The following DLG2 variants were observed in gnomAD, a reference collection of about 807,000 sequenced individuals.
DLG2 encodes the protein discs large MAGUK scaffold protein 2, also known as disks large homolog 2.
Under a neutral mutation model 132.5 loss-of-function variants are expected in DLG2, and 45 were observed. That is an observed-to-expected ratio of 0.34 (90% CI 0.27 to 0.44). The LOEUF (loss-of-function observed/expected upper bound fraction) is 0.44. DLG2 is among the 20% of genes least tolerant of loss of function. DLG2 has a pLI of 1.00. For missense variants in DLG2, 1,045 were observed against 1,196.9 expected (o/e 0.87, Z 1.87); for synonymous variants, 424 against 419.6 (o/e 1.01, Z -0.13).
chr11:84,785,343 A>G (rs1598093677), intron 6 of DLG2, among the ~76,000 whole-genome samples: 1 of 152,076 alleles, frequency 6.6e-6, no homozygotes, highest in Non-Finnish European at 1.5e-5. Flanking sequence ...TCTCCCATGA[A>G]TTGGAAGTTA....
At chr11:84,408,374 T>C (rs944798685) in intron 7 of DLG2, among the ~76,000 whole-genome samples, 1 of 151,908 alleles carries the variant, frequency 6.6e-6, no homozygotes, top group Admixed American at 6.6e-5. Context: ...CTTTAAGTTC[T>C]AGGGTACATG....
intron 6 of DLG2, chr11:84,720,368 ACAGT>A (rs1300522614): frequency 2.4e-5 from 24 of 985,360 alleles, no homozygotes; most frequent in Non-Finnish European, 2.8e-5. Flanking sequence ...TTGGTGTAAA[ACAGT>A]CAGGGTCCTT....
chr11:84,286,603 T>G (rs970618886), intron 7 of DLG2, among the ~76,000 whole-genome samples: 3 of 152,254 alleles, frequency 2.0e-5, no homozygotes, highest in Non-Finnish European at 4.4e-5. Flanking sequence ...ATGGTACTTT[T>G]AGCATGCTAA....
At chr11:85,227,496 G>A (rs1380155257) in intron 4 of DLG2, among the ~76,000 whole-genome samples, 1 of 151,968 alleles carries the variant, frequency 6.6e-6, no homozygotes, top group Admixed American at 6.6e-5. Context: ...AATACCTCAA[G>A]GGAACACTAA....
At chr11:83,852,688 T>C (rs935048485) in intron 16 of DLG2, among the ~76,000 whole-genome samples, 2 of 152,206 alleles carry the variant, frequency 1.3e-5, no homozygotes, top group African/African-American at 4.8e-5. Flanking sequence ...ACAGGTGTTG[T>C]CCTGTATAAA....
chr11:84,860,801 G>A (rs775877902), intron 6 of DLG2, among the ~76,000 whole-genome samples: 1 of 147,148 alleles, frequency 6.8e-6, no homozygotes, highest in Non-Finnish European at 1.5e-5. Flanking sequence ...AGTCAAGCAA[G>A]AAAAATGAAA....
intron 17 of DLG2, among the ~76,000 whole-genome samples, chr11:83,823,553 A>G (rs1164667397): frequency 6.6e-6 from 1 of 152,140 alleles, no homozygotes; most frequent in African/African-American, 2.4e-5. Flanking sequence ...AATCTTCAGG[A>G]CAGAAGGGAT....
At chr11:85,043,897 A>G (rs973082170) in intron 6 of DLG2, among the ~76,000 whole-genome samples, 2 of 151,864 alleles carry the variant, frequency 1.3e-5, no homozygotes, top group Non-Finnish European at 1.5e-5. Context: ...ACTGTCATAA[A>G]CCAATTTTAT....
intron 8 of DLG2, among the ~76,000 whole-genome samples, chr11:84,225,181 T>G (rs2096972854): frequency 6.6e-6 from 1 of 152,216 alleles, no homozygotes; most frequent in Admixed American, 6.5e-5. Context: ...TGGCACACAG[T>G]AAAGTCCCTC....
chr11:83,961,334 C>T (rs1449387899), intron 14 of DLG2, among the ~76,000 whole-genome samples: 1 of 151,846 alleles, frequency 6.6e-6, no homozygotes, highest in East Asian at 1.9e-4. Context: ...CTCTGAGGTC[C>T]CTTTCTAGCC....
chr11:84,296,111 C>T (rs758478778), intron 7 of DLG2, among the ~76,000 whole-genome samples: 3 of 152,070 alleles, frequency 2.0e-5, no homozygotes, highest in Non-Finnish European at 4.4e-5. Context: ...GTGGCTGAAA[C>T]GTATTCCCGA....
intron 3 of DLG2, among the ~76,000 whole-genome samples, chr11:85,459,409 C>T (rs1427815322): frequency 6.6e-6 from 1 of 152,134 alleles, no homozygotes; most frequent in Non-Finnish European, 1.5e-5. Context: ...GTGAAGCCCT[C>T]AGGCTCTTGG....
chr11:84,899,369 A>G (rs2090601587), intron 6 of DLG2, among the ~76,000 whole-genome samples: 1 of 152,068 alleles, frequency 6.6e-6, no homozygotes. Flanking sequence ...CAATTATTTC[A>G]ACACTGTTGC....
At chr11:84,194,773 G>A (rs34325717) in intron 8 of DLG2, among the ~76,000 whole-genome samples, 4 of 152,172 alleles carry the variant, frequency 2.6e-5, no homozygotes, top group East Asian at 1.9e-4. Context: ...CGCTGGGGCC[G>A]CAGGCAGAGC....
intron 9 of DLG2, among the ~76,000 whole-genome samples, chr11:84,106,796 T>C (rs907867752): frequency 6.7e-6 from 1 of 150,120 alleles, no homozygotes; most frequent in Non-Finnish European, 1.5e-5. Flanking sequence ...GTAAACACAG[T>C]GAAAGTAGAT....
intron 4 of DLG2, among the ~76,000 whole-genome samples, chr11:85,216,790 G>C (rs551862992): frequency 1.3e-5 from 2 of 151,820 alleles, no homozygotes; most frequent in Non-Finnish European, 2.9e-5. Context: ...TCCACCTCCC[G>C]GGTTCAAGCA....
In DLG2 at chr11:85,096,421, C is replaced by T. The variant is rs146396672; in HGVS notation, c.357+15240G>A. Among the ~76,000 whole-genome samples, 913 of 152,050 alleles carry T rather than the reference C, an allele frequency of 6.0e-3. 9 individuals carry two copies. The highest frequency in any genetic ancestry group is 0.027 in the Middle Eastern group (8 of 294). On this transcript the variant is annotated intron_variant, in intron 6 of 27. Transcript: ENST00000376104. ...GGAACAAACAACTCCAGACGCGCCA[C>T]CTTTAAGAGCTGTAACACTCACTGC...
chr11:84,596,900 G>A (rs1043631196), intron 6 of DLG2, among the ~76,000 whole-genome samples: 1 of 152,118 alleles, frequency 6.6e-6, no homozygotes, highest in Non-Finnish European at 1.5e-5. Context: ...GCTAGGCATA[G>A]GGGATTCAGC....
At chr11:83,861,801 C>A (rs1162148507) in intron 16 of DLG2, among the ~76,000 whole-genome samples, 1 of 151,926 alleles carries the variant, frequency 6.6e-6, no homozygotes, top group Admixed American at 6.6e-5. Context: ...ATGAATAGGA[C>A]CTACTGTTTC....
Sources: allele counts gnomAD v4.1 joint callset (sites outside exome capture counted in the v4.1 genomes callset), GRCh38; gene constraint gnomAD v4.1.1; transcripts MANE v1.5; gene names NCBI Gene and HGNC (gene_info 2026-07-23, HGNC 2026-07-21).